Variants in FHIP1A observed in about 807,000 individuals in gnomAD.
The protein encoded by FHIP1A is FHF complex subunit HOOK-interacting protein 1A.
A neutral mutation model predicts 88.6 loss-of-function variants in FHIP1A; 61 were observed. The ratio of observed to expected loss-of-function variants is 0.69; its 90% CI spans 0.56 to 0.85. The LOEUF (loss-of-function observed/expected upper bound fraction) is 0.85, where lower values mean the gene tolerates loss of function less well. Among genes scored for constraint, FHIP1A ranks in the 40% least tolerant of loss-of-function variants. The probability of loss-of-function intolerance (pLI) is 0.00; values close to 1 mark genes in which losing one functional copy is unlikely to be tolerated. For synonymous variants in FHIP1A, 478 were observed against 496.0 expected (o/e 0.96, Z 0.48); for missense variants, 1,154 against 1,273.5 (o/e 0.91, Z 1.43).
chr4:151,450,534 G>T (rs62327216), intron 1 of FHIP1A, among the ~76,000 whole-genome samples: 1 of 152,074 alleles, frequency 6.6e-6, no homozygotes, highest in South Asian at 2.1e-4. Flanking sequence ...GAACATTCTT[G>T]TCTGTATATC....
chr4:151,445,511 T>A (rs946299647), intron 1 of FHIP1A, among the ~76,000 whole-genome samples: 1 of 151,914 alleles, frequency 6.6e-6, no homozygotes, highest in African/African-American at 2.4e-5. Context: ...TTTAATTAAA[T>A]GATTGATTCT....
At chr4:151,467,184 CA>C (rs1345670585) in intron 2 of FHIP1A, among the ~76,000 whole-genome samples, 23 of 152,262 alleles carry the variant, frequency 1.5e-4, no homozygotes, top group Non-Finnish European at 2.5e-4. Flanking sequence ...AGACACTTCT[CA>C]AAAGAAGACA....
At chr4:151,564,722 T>G (rs1333441920) in intron 3 of FHIP1A, among the ~76,000 whole-genome samples, 1 of 152,204 alleles carries the variant, frequency 6.6e-6, no homozygotes, top group Non-Finnish European at 1.5e-5. Flanking sequence ...AGTATGTGAT[T>G]TGTGTACTTC....
chr4:151,638,578 A>T, intron 8 of FHIP1A, 99 bp from the exon 9 acceptor site: 4 of 631,950 alleles, frequency 6.3e-6, no homozygotes, highest in Non-Finnish European at 1.0e-5. Context: ...AAAAAAAAAA[A>T]GGCCATTATA....
chr4:151,642,479 C>T (rs1191917975), intron 9 of FHIP1A, among the ~76,000 whole-genome samples: 1 of 150,828 alleles, frequency 6.6e-6, no homozygotes, highest in Non-Finnish European at 1.5e-5. Context: ...ACAACAACAA[C>T]AACAAAAACC....
intron 2 of FHIP1A, among the ~76,000 whole-genome samples, chr4:151,469,219 C>G (rs920198389): frequency 2.6e-5 from 4 of 152,166 alleles, no homozygotes; most frequent in African/African-American, 9.7e-5. Context: ...ATTTCACAAT[C>G]CTATATTAGC....
intron 3 of FHIP1A, among the ~76,000 whole-genome samples, chr4:151,560,585 T>A (rs537788660): frequency 6.6e-6 from 1 of 152,294 alleles, no homozygotes; most frequent in Admixed American, 6.5e-5. Flanking sequence ...TTTAGGGTTT[T>A]GTGGCAAGAA....
chr4:151,599,900 G>T lies in FHIP1A; in HGVS notation c.978+10974G>T, dbSNP rs548314157. Among the ~76,000 whole-genome samples the T allele has an allele frequency of 1.5e-4, 23 of 152,144 alleles. 1 individual carries two copies. Among genetic ancestry groups the T allele is most frequent in the Middle Eastern group, 6.8e-3 (2 of 294 alleles). On this transcript the variant is annotated intron_variant, in intron 7 of 13. Transcript: ENST00000435205. Reference sequence around the variant, plus strand: ...TACAGAATATTCAGGAGTTCAAATGGACCCCTAATGCATGGGGGCATTTCG... The same window carrying T: ...TACAGAATATTCAGGAGTTCAAATGTACCCCTAATGCATGGGGGCATTTCG...
chr4:151,567,736 A>G (rs374188366), intron 4 of FHIP1A, among the ~76,000 whole-genome samples: 15 of 152,300 alleles, frequency 9.8e-5, no homozygotes, highest in Admixed American at 8.5e-4. Flanking sequence ...TTTTGTGTTT[A>G]AAACGTACAT....
chr4:151,481,172 CT>C, intron 2 of FHIP1A, among the ~76,000 whole-genome samples: 1 of 151,972 alleles, frequency 6.6e-6, no homozygotes, highest in Admixed American at 6.6e-5. Context: ...TTGTTTTTTT[CT>C]TTTGCATAAG....
intron 1 of FHIP1A, among the ~76,000 whole-genome samples, chr4:151,430,096 G>A (rs1733538645): frequency 6.6e-6 from 1 of 152,164 alleles, no homozygotes; most frequent in Non-Finnish European, 1.5e-5. Flanking sequence ...CTCTGGATGT[G>A]TGGGTTTTGC....
chr4:151,641,006 A>G (rs1736567419), intron 9 of FHIP1A, among the ~76,000 whole-genome samples: 1 of 152,024 alleles, frequency 6.6e-6, no homozygotes, highest in Non-Finnish European at 1.5e-5. Flanking sequence ...TAAATATACC[A>G]GGAAAGTGCC....
At chr4:151,647,949 A>G (rs1264616264) in intron 10 of FHIP1A, among the ~76,000 whole-genome samples, 5 of 152,198 alleles carry the variant, frequency 3.3e-5, no homozygotes, top group African/African-American at 1.2e-4. Flanking sequence ...ACAAACTGAG[A>G]GAGAGGAATT....
intron 8 of FHIP1A, among the ~76,000 whole-genome samples, chr4:151,634,013 A>G (rs1382630084): frequency 6.6e-6 from 1 of 152,018 alleles, no homozygotes; most frequent in African/African-American, 2.4e-5. Context: ...CAACATAATC[A>G]TATATATAGA....
At chr4:151,482,784 G>C (rs1279507045) in intron 3 of FHIP1A, 136 bp downstream of exon 3, 1 of 151,794 alleles carries the variant, frequency 6.6e-6, no homozygotes, top group African/African-American at 2.4e-5. Context: ...AAATGTCTTA[G>C]GGAGAGGCTG....
intron 8 of FHIP1A, among the ~76,000 whole-genome samples, chr4:151,632,634 A>AT (rs374439553): frequency 1.3e-5 from 2 of 152,050 alleles, no homozygotes; most frequent in African/African-American, 4.8e-5. Flanking sequence ...CACACAAATA[A>AT]TTTTTTTCTA....
chr4:151,649,474 C>T lies in FHIP1A; in HGVS notation c.1433C>T (p.Pro478Leu), dbSNP rs576478699. 6 of 1,549,260 alleles carry T rather than the reference C, an allele frequency of 3.9e-6. No homozygotes were observed. The South Asian group carries it at 6.0e-5, about 15-fold the overall frequency. Residue 478 changes from proline to leucine, a missense_variant, in exon 11 of 14, where the codon CCA (proline) becomes CTA (leucine). Pro to Leu is a moderately conservative substitution (Grantham distance 98). Coordinates refer to ENST00000435205, the MANE Select transcript of FHIP1A (RefSeq NM_001109977.3). ...TCCTGTGCAGGGCCTGTGGAGCGGC[C>T]ATTCCCCGAAGCGTTCTCCGAGTCA... ...MHDTSGPVER[P>L]FPEAFSESAC...
At position 151,524,413 on chromosome 4, in the gene FHIP1A, C is replaced by T. The variant is rs572712448; in HGVS notation, c.-122-41725C>T. Among the ~76,000 whole-genome samples the T allele has an allele frequency of 1.3e-4, 20 of 152,254 alleles. No homozygotes were observed. In the South Asian group the frequency reaches 4.2e-3, roughly 32 times the overall value. On this transcript the variant is annotated intron_variant, in intron 3 of 13. Coordinates refer to ENST00000435205, the MANE Select transcript of FHIP1A (RefSeq NM_001109977.3). Reference sequence around the variant, plus strand: ...TCCAGTGGTCAAACCTCAGCATCTTCATTTTATAGAGAAGTCAGGCCTGTA... The same window carrying T: ...TCCAGTGGTCAAACCTCAGCATCTTTATTTTATAGAGAAGTCAGGCCTGTA...
At chr4:151,603,307 C>T (rs1734943824) in intron 7 of FHIP1A, among the ~76,000 whole-genome samples, 3 of 150,108 alleles carry the variant, frequency 2.0e-5, no homozygotes, top group African/African-American at 4.9e-5. Context: ...AGCGAGACTC[C>T]GTCTGAAAAA....
Sources: gnomAD v4.1 joint callset for allele counts (sites outside exome capture counted in the v4.1 genomes callset) on GRCh38, gnomAD v4.1.1 for gene constraint, MANE v1.5 for transcripts, NCBI Gene and HGNC (gene_info 2026-07-23, HGNC 2026-07-21) for gene names.